Variants in ABCC12 observed in about 807,000 individuals in gnomAD.
The protein encoded by ABCC12 is ATP-binding cassette sub-family C member 12.
A neutral mutation model predicts 151.1 loss-of-function variants in ABCC12; 142 were observed. That is an observed-to-expected ratio of 0.94 (90% CI 0.82 to 1.08). ABCC12 has a LOEUF of 1.08. ABCC12 is among the 50% of genes least tolerant of loss of function. The pLI is 0.00. For synonymous variants in ABCC12, 645 were observed against 646.4 expected (o/e 1.00, Z 0.03); for missense variants, 1,638 against 1,691.1 (o/e 0.97, Z 0.55).
At chr16:48,149,985 G>A (rs1965095865) in intron 2 of ABCC12, among the ~76,000 whole-genome samples, 1 of 152,186 alleles carries the variant, frequency 6.6e-6, no homozygotes, top group Non-Finnish European at 1.5e-5. Flanking sequence ...CCCCTGGTGG[G>A]AATATAAATT....
intron 29 of ABCC12, among the ~76,000 whole-genome samples, chr16:48,084,663 T>C (rs1452695704): frequency 6.6e-6 from 1 of 152,176 alleles, no homozygotes; most frequent in African/African-American, 2.4e-5. Context: ...GAAAGCCCCA[T>C]ATGAATATGC....
chr16:48,121,574 T>A, intron 13 of ABCC12, 142 bp downstream of exon 13: 1 of 1,146,326 alleles, frequency 8.7e-7, no homozygotes, highest in Non-Finnish European at 1.2e-6. Flanking sequence ...GGAAAACCAG[T>A]GTCTGTGTGG....
intron 11 of ABCC12, among the ~76,000 whole-genome samples, 189 bp from the exon 12 acceptor site, chr16:48,124,473 A>G (rs1263643620): frequency 6.6e-6 from 1 of 152,210 alleles, no homozygotes; most frequent in Non-Finnish European, 1.5e-5. Context: ...GGATGCAGGA[A>G]TGTAAGTCTT....
chr16:48,100,964 G>C lies in ABCC12; in HGVS notation c.2946C>G (p.Val982=). 1.2e-6 allele frequency: 2 copies of C among 1,614,210 alleles called. No individual in the cohort carries two copies. The highest frequency in any genetic ancestry group is 1.7e-6 in the Non-Finnish European group (2 of 1,180,032). Residue 982 remains valine (V), a synonymous_variant, in exon 23 of 31, where the codon GTC becomes GTG. Coordinates refer to ENST00000311303, the MANE Select transcript of ABCC12 (RefSeq NM_001393797.1). The part of the protein sequence containing the change: ...GVQELKKVEN[V]SRSPWFTHIT... The stretch of plus-strand genomic sequence containing the variant: ...TGTGGGTGAACCAGGGTGACCGGCT[G>C]ACATTCTCCACCTTCTTGAGCTCCT...
intron 25 of ABCC12, among the ~76,000 whole-genome samples, chr16:48,090,511 T>G (rs1962835088): frequency 6.6e-6 from 1 of 151,638 alleles, no homozygotes; most frequent in African/African-American, 2.4e-5. Flanking sequence ...CCAAAAGTGT[T>G]GAGATTACAG....
chr16:48,107,536 A>G, intron 19 of ABCC12, 111 bp from the exon 20 acceptor site: 2 of 903,438 alleles, frequency 2.2e-6, no homozygotes, highest in South Asian at 3.0e-5. Context: ...CAGGAAAAGG[A>G]CTCCCACGCC....
intron 10 of ABCC12, among the ~76,000 whole-genome samples, chr16:48,130,539 A>C (rs1405004303): frequency 6.6e-6 from 1 of 152,244 alleles, no homozygotes; most frequent in Non-Finnish European, 1.5e-5. Context: ...TTTAGGAAAA[A>C]GAGGATCAGG....
chr16:48,096,239 C>A (rs1963090518), intron 24 of ABCC12, among the ~76,000 whole-genome samples: 2 of 152,238 alleles, frequency 1.3e-5, no homozygotes, highest in Admixed American at 6.5e-5. Flanking sequence ...ATTTCACTCC[C>A]TCCACTGTGG....
chr16:48,111,230 T>C (rs1271185378), intron 18 of ABCC12, among the ~76,000 whole-genome samples: 1 of 152,218 alleles, frequency 6.6e-6, no homozygotes, highest in African/African-American at 2.4e-5. Context: ...AGTGGCCAAG[T>C]ATCTTGCTCA....
chr16:48,102,172 C>G (rs1033694421), intron 22 of ABCC12, among the ~76,000 whole-genome samples: 1 of 152,158 alleles, frequency 6.6e-6, no homozygotes, highest in Non-Finnish European at 1.5e-5. Context: ...CTCCCACAAC[C>G]AATCAGGCTG....
rs1352669338 is a variant in ABCC12 at position 48,111,626 on chromosome 16, C to G, written c.2161G>C (p.Ala721Pro). The stretch of plus-strand genomic sequence containing the variant: ...CTCTCAGCAGGGCTCTCCTTGAAGG[C>G]TTCCACCATTGCTGCATTGTAAAGG... Reference protein sequence around the residue: ...EHLYNAAMVEAFKESPAEREE... With the variant: ...EHLYNAAMVEPFKESPAEREE... The change falls in exon 17 of 31, where the codon GCC becomes CCC. Residue 721 changes from alanine (A) to proline (P), a missense_variant. Ala to Pro is a conservative substitution (Grantham distance 27). Transcript: ENST00000311303. 6.2e-7 allele frequency: 1 copy of G among 1,614,052 alleles called. No individual in the cohort carries two copies. The highest frequency in any genetic ancestry group is 8.5e-7 in the Non-Finnish European group (1 of 1,180,050).
At position 48,083,981 on chromosome 16, in the gene ABCC12, A is replaced by G. The variant is rs759479096; in HGVS notation, c.3921T>C (p.Thr1307=). Residue 1307 remains threonine, a synonymous_variant, in exon 30 of 31, where the codon ACT becomes ACC. Transcript: ENST00000311303. ...TGAGGCGGTGGGCGATGGTCAGCAC[A>G]GTGCAGCCCTTGAAGGCATCTTTGA... ...NTIKDAFKGC[T]VLTIAHRLNT... is the part of the protein sequence containing the mutation. 21 of 1,613,114 alleles carry G rather than the reference A, an allele frequency of 1.3e-5. No individual in the cohort carries two copies. The highest frequency in any genetic ancestry group is 1.8e-5 in the Non-Finnish European group (21 of 1,179,826).
rs1365976596 is a variant in ABCC12, at chr16:48,115,635, T to C, written c.1786-17A>G. ...CTCCCCAATCTGTGGACAGGGACAA[T>C]GCTACTGCCCATTGTCAGCCCACCC... is the stretch of plus-strand genomic sequence containing the variant. On this transcript the variant is annotated splice_polypyrimidine_tract_variant and intron_variant, in intron 14 of 30. Transcript: ENST00000311303. 6.2e-7 allele frequency: 1 copy of C among 1,608,506 alleles called. No homozygotes were observed. Among genetic ancestry groups the C allele is most frequent in the Non-Finnish European group, 8.5e-7 (1 of 1,176,936 alleles).
Position 48,146,329 on chromosome 16 carries a change from C to T in ABCC12, c.96G>A (p.Met32Ile), listed in dbSNP as rs763316759. Reference sequence around the variant, plus strand: ...ACCTTGCACAGGGTCGCACTGGGATCATGGTCTTCAGGCTGGGGTCATATC... The same window carrying T: ...ACCTTGCACAGGGTCGCACTGGGATTATGGTCTTCAGGCTGGGGTCATATC... ...AERYDPSLKT[M>I]IPVRPCARLA... Residue 32 changes from methionine to isoleucine, a missense_variant, in exon 3 of 31, where the codon ATG becomes ATA. Met to Ile is a conservative substitution (Grantham distance 10). Transcript: ENST00000311303. 1 of 1,614,192 alleles carries T rather than the reference C, an allele frequency of 6.2e-7. No homozygotes were observed. Among genetic ancestry groups the T allele is most frequent in the Admixed American group, 1.7e-5 (1 of 60,022 alleles).
In ABCC12 at chr16:48,108,530, C is replaced by G. The variant is rs1454609147; in HGVS notation, c.2282-1G>C. 3 of 1,613,708 alleles carry G rather than the reference C, an allele frequency of 1.9e-6. No individual in the cohort carries two copies. The highest frequency in any genetic ancestry group is 3.3e-5 in the Admixed American group (2 of 59,940). The stretch of plus-strand genomic sequence containing the variant: ...GTCTGGATGAGCTGGTGCTCAGGAA[C>G]TGTGGAGACAAACACAAGTGCCATG... On this transcript the variant is annotated splice_acceptor_variant, in intron 18 of 30. Transcript: ENST00000311303. LOFTEE classifies it high-confidence loss of function.
At chr16:48,095,176 C>A (rs572062859) in intron 24 of ABCC12, among the ~76,000 whole-genome samples, 5 of 152,144 alleles carry the variant, frequency 3.3e-5, no homozygotes, top group African/African-American at 1.2e-4. Flanking sequence ...ATAATTGAAT[C>A]GTGGGGGCAG....
intron 13 of ABCC12, 32 bp from the exon 14 acceptor site, chr16:48,117,365 G>A: frequency 6.2e-7 from 1 of 1,609,212 alleles, no homozygotes; most frequent in Non-Finnish European, 8.5e-7. Flanking sequence ...GTAGCTGGGT[G>A]AGAAAGACCC....
chr16:48,133,274 C>A (rs1188047758), intron 9 of ABCC12, among the ~76,000 whole-genome samples: 2 of 152,132 alleles, frequency 1.3e-5, no homozygotes, highest in African/African-American at 4.8e-5. Flanking sequence ...GTAATTCCAG[C>A]ACTTTAGAAG....
intron 13 of ABCC12, among the ~76,000 whole-genome samples, chr16:48,118,360 C>T (rs1174499397): frequency 6.6e-6 from 1 of 152,190 alleles, no homozygotes; most frequent in East Asian, 1.9e-4. Flanking sequence ...CATCACAGAG[C>T]CCCCGCACAG....
Sources: allele counts gnomAD v4.1 joint callset (sites outside exome capture counted in the v4.1 genomes callset), GRCh38; gene constraint gnomAD v4.1.1; transcripts MANE v1.5; gene names NCBI Gene and HGNC (gene_info 2026-07-23, HGNC 2026-07-21).